SCRG1: variants seen among roughly 807,000 people sequenced by gnomAD.
The protein encoded by SCRG1 is stimulator of chondrogenesis 1, also known as scrapie-responsive protein 1.
SCRG1 carries 3 observed loss-of-function variants against 7.7 expected under a neutral mutation model. That is an observed-to-expected ratio of 0.39 (90% CI 0.18 to 1.01). The LOEUF (loss-of-function observed/expected upper bound fraction) is 1.01. SCRG1 is among the 50% of genes least tolerant of loss of function. The pLI is 0.36. For synonymous variants in SCRG1, 46 were observed against 41.2 expected (o/e 1.12, Z -0.44); for missense variants, 110 against 117.2 (o/e 0.94, Z 0.28).
chr4:173,466,156 C>T, the SCRG1 span, among the ~76,000 whole-genome samples: 1 of 152,144 alleles, frequency 6.6e-6, no homozygotes, highest in African/African-American at 2.4e-5. Flanking sequence ...AGCTTACACT[C>T]GTGGCCAAAT....
chr4:173,446,650 G>C, the SCRG1 span: 2 of 152,080 alleles, frequency 1.3e-5, no homozygotes, highest in African/African-American at 4.8e-5. Flanking sequence ...TTGTGCAGGG[G>C]GCCTGCTTGT....
intron 2 of SCRG1, among the ~76,000 whole-genome samples, chr4:173,390,361 A>T (rs369927904): frequency 1.3e-5 from 2 of 152,186 alleles, no homozygotes; most frequent in East Asian, 3.9e-4. Flanking sequence ...TATCTAGTTC[A>T]TTTCTGGTTA....
chr4:173,430,506 A>T, the SCRG1 span, among the ~76,000 whole-genome samples: 2 of 152,104 alleles, frequency 1.3e-5, no homozygotes, highest in African/African-American at 2.4e-5. Flanking sequence ...AATACAGGAA[A>T]GGCAGGGCAT....
At chr4:173,390,170 A>G (rs1297119136) in intron 2 of SCRG1, among the ~76,000 whole-genome samples, 1 of 152,002 alleles carries the variant, frequency 6.6e-6, no homozygotes, top group Admixed American at 6.6e-5. Context: ...CAGCCTCCCA[A>G]GTAGCTGGGA....
intron 1 of SCRG1, 78 bp from the exon 2 acceptor site, chr4:173,391,506 A>G: frequency 1.4e-6 from 2 of 1,432,120 alleles, no homozygotes; most frequent in South Asian, 1.2e-5. Context: ...GTTCTGTAGC[A>G]TGCTTATAAA....
the SCRG1 span, among the ~76,000 whole-genome samples, chr4:173,485,083 ATATATTATATATTATATATTATATAT>A: frequency 0.023 from 160 of 6,940 alleles, 39 homozygotes; most frequent in Admixed American, 0.036. Context: ...ATATTATATA[ATATATTATATATTATATATTATATAT>A]TATATAATAT....
At chr4:173,493,399 AT>A in the SCRG1 span, among the ~76,000 whole-genome samples, 2 of 152,036 alleles carry the variant, frequency 1.3e-5, no homozygotes, top group Admixed American at 1.3e-4. Flanking sequence ...TTCCTTGAAC[AT>A]TAGGGCATTG....
the SCRG1 span, among the ~76,000 whole-genome samples, chr4:173,458,908 C>T: frequency 5.9e-5 from 9 of 151,902 alleles, no homozygotes; most frequent in Non-Finnish European, 5.9e-5. Context: ...CAAAAGTGAA[C>T]GGATGGAAAA....
the SCRG1 span, among the ~76,000 whole-genome samples, chr4:173,487,163 G>T: frequency 1.3e-5 from 2 of 152,232 alleles, no homozygotes; most frequent in Middle Eastern, 3.4e-3. Context: ...TGCAGGCAGG[G>T]CTGAGAATAC....
At chr4:173,438,236 T>G in the SCRG1 span, among the ~76,000 whole-genome samples, 2 of 152,066 alleles carry the variant, frequency 1.3e-5, no homozygotes, top group Non-Finnish European at 2.9e-5. Flanking sequence ...CTACTTCAGC[T>G]TCCAGAGTAA....
upstream of SCRG1, among the ~76,000 whole-genome samples, chr4:173,407,073 G>A (rs886512028): frequency 4.6e-5 from 7 of 150,684 alleles, no homozygotes; most frequent in African/African-American, 1.7e-4. Context: ...GCCAGGCATG[G>A]GGGCACATGC....
At chr4:173,404,137 A>G (rs1273527695) in exon 3 of SCRG1, 4 of 152,246 alleles carry the variant, frequency 2.6e-5, no homozygotes, top group Admixed American at 2.6e-4. Context: ...CCAAGATCAC[A>G]CAGCTGATAA....
intron 1 of SCRG1, among the ~76,000 whole-genome samples, chr4:173,394,321 C>T (rs1286388133): frequency 6.6e-6 from 1 of 151,436 alleles, no homozygotes; most frequent in Non-Finnish European, 1.5e-5. Flanking sequence ...TAGGTATTTC[C>T]ATTGTGGTTA....
At chr4:173,462,746 A>G in the SCRG1 span, among the ~76,000 whole-genome samples, 1 of 152,196 alleles carries the variant, frequency 6.6e-6, no homozygotes, top group Admixed American at 6.5e-5. Context: ...AATAACTACA[A>G]CAACTTTTCA....
At chr4:173,458,164 C>T in the SCRG1 span, among the ~76,000 whole-genome samples, 6 of 152,096 alleles carry the variant, frequency 3.9e-5, no homozygotes, top group African/African-American at 9.7e-5. Flanking sequence ...TGAGTGCTCA[C>T]GCATAGGGCC....
chr4:173,433,091 A>G, the SCRG1 span, among the ~76,000 whole-genome samples: 2 of 152,220 alleles, frequency 1.3e-5, no homozygotes, highest in Non-Finnish European at 2.9e-5. Context: ...TCACCTATAT[A>G]CATATTCTTT....
the SCRG1 span, among the ~76,000 whole-genome samples, chr4:173,483,863 CATATGTTATATATATTTCATATAAT>C: frequency 9.7e-4 from 20 of 20,522 alleles, 1 homozygote; most frequent in Non-Finnish European, 1.4e-3. Context: ...TTTCATATTA[CATATGTTATATATATTTCATATAAT>C]ATATGTTATA....
the SCRG1 span, among the ~76,000 whole-genome samples, chr4:173,499,820 CGAAA>C: frequency 6.6e-6 from 1 of 152,114 alleles, no homozygotes; most frequent in Non-Finnish European, 1.5e-5. This position sits in a 1 kb window ranked among gnomAD's most constrained non-coding sequence, Gnocchi z 4.1. Context: ...GGGCAGGGAT[CGAAA>C]GAAAGGAAAG....
chr4:173,401,091 C>T (rs1480272708), upstream of SCRG1, among the ~76,000 whole-genome samples: 1 of 152,134 alleles, frequency 6.6e-6, no homozygotes, highest in Admixed American at 6.6e-5. Context: ...TGAAGGTAGG[C>T]AGAGCAAAGA....
Sources: allele counts gnomAD v4.1 joint callset (sites outside exome capture counted in the v4.1 genomes callset), GRCh38; gene constraint gnomAD v4.1.1; non-coding constraint Gnocchi (gnomAD v3.1); transcripts MANE v1.5; gene names NCBI Gene and HGNC (gene_info 2026-07-23, HGNC 2026-07-21).